Variants in PLCB4 observed in about 807,000 individuals in gnomAD.
The protein encoded by PLCB4 is phospholipase C beta 4, also known as 1-phosphatidylinositol 4,5-bisphosphate phosphodiesterase beta-4.
In PLCB4, 77 loss-of-function variants were observed where a neutral mutation model predicts 178.8. The observed-to-expected ratio is 0.43, with a 90% CI of 0.36 to 0.52. The LOEUF (loss-of-function observed/expected upper bound fraction) is 0.52, where lower values mean the gene tolerates loss of function less well. PLCB4 is among the 20% of genes least tolerant of loss of function. The probability of loss-of-function intolerance (pLI) is 0.00; values close to 1 mark genes in which losing one functional copy is unlikely to be tolerated. For missense variants in PLCB4, 1,024 were observed against 1,453.4 expected (o/e 0.70, Z 4.80); for synonymous variants, 496 against 490.8 (o/e 1.01, Z -0.14).
rs142482066 is a variant in PLCB4 at position 9,211,257 on chromosome 20, G to A, written c.-78-6133G>A. ...TAACACCGCCTGCATTTTACAGATA[G>A]GAGCTGGTTTCAGAGAGGTGAAGAC... is the stretch of plus-strand genomic sequence containing the variant. On this transcript the variant is annotated intron_variant, in intron 2 of 39. Coordinates refer to ENST00000378473, the MANE Select transcript of PLCB4 (RefSeq NM_001377142.1). Among the ~76,000 whole-genome samples the A allele has an allele frequency of 2.3e-3, 346 of 152,290 alleles. 1 individual carries two copies. The highest frequency in any genetic ancestry group is 7.9e-3 in the African/African-American group (330 of 41,554).
intron 3 of PLCB4, among the ~76,000 whole-genome samples, chr20:9,275,649 C>T (rs1398771705): frequency 1.3e-5 from 2 of 151,998 alleles, no homozygotes; most frequent in Non-Finnish European, 2.9e-5. Flanking sequence ...GGGAGCAATT[C>T]CAGAAATGAA....
At chr20:9,151,044 C>G (rs6118507) in intron 2 of PLCB4, among the ~76,000 whole-genome samples, 58,460 of 151,934 alleles carry the variant, frequency 0.38, 12,504 homozygotes, top group Middle Eastern at 0.49. Context: ...TAAACAAATA[C>G]AGTAGGCCCT....
chr20:9,432,356 AC>A (rs2041478939), intron 28 of PLCB4, among the ~76,000 whole-genome samples: 1 of 152,114 alleles, frequency 6.6e-6, no homozygotes, highest in African/African-American at 2.4e-5. Context: ...ACTACCAGTT[AC>A]TCCTCAAAAA....
rs533751203 is a variant in PLCB4, at chr20:9,437,560, A to T, written c.2764+408A>T. 4.6e-5 allele frequency among the ~76,000 whole-genome samples: 7 copies of T among 152,306 alleles called. No homozygotes were observed. The East Asian group carries it at 1.4e-3, about 29-fold the overall frequency. On this transcript the variant is annotated intron_variant, in intron 30 of 39. Transcript: ENST00000378473. Reference sequence around the variant, plus strand: ...TCTCATATTCAGCCAGTATGTAGGGAAACAACTGTGCTGGTTATTTTAATT... The same window carrying T: ...TCTCATATTCAGCCAGTATGTAGGGTAACAACTGTGCTGGTTATTTTAATT...
intron 24 of PLCB4, among the ~76,000 whole-genome samples, chr20:9,410,669 T>A (rs930667307): frequency 6.6e-6 from 1 of 152,102 alleles, no homozygotes; most frequent in South Asian, 2.1e-4. Flanking sequence ...ATATTCACCC[T>A]CCCGGGTATC....
chr20:9,211,336 C>T (rs1445331640), intron 2 of PLCB4, among the ~76,000 whole-genome samples: 2 of 152,182 alleles, frequency 1.3e-5, no homozygotes, highest in African/African-American at 4.8e-5. Context: ...CTTCTGACTG[C>T]CAGGTCTTTG....
chr20:9,116,985 A>G (rs1304693327), intron 2 of PLCB4, among the ~76,000 whole-genome samples: 1 of 152,134 alleles, frequency 6.6e-6, no homozygotes, highest in Non-Finnish European at 1.5e-5. Flanking sequence ...TTTCTAATTC[A>G]TTGTGGTTGG....
At chr20:9,104,494 C>T (rs928895892) in intron 2 of PLCB4, among the ~76,000 whole-genome samples, 1 of 152,120 alleles carries the variant, frequency 6.6e-6, no homozygotes, top group African/African-American at 2.4e-5. Flanking sequence ...CTCTCTGCCT[C>T]AGTCCTTCTC....
At chr20:9,283,008 A>C (rs2094507394) in intron 3 of PLCB4, among the ~76,000 whole-genome samples, 1 of 152,036 alleles carries the variant, frequency 6.6e-6, no homozygotes, top group African/African-American at 2.4e-5. Flanking sequence ...CATTTTCAGT[A>C]TCCATGTGGA....
At chr20:9,414,457 C>T (rs1447702193) in intron 25 of PLCB4, among the ~76,000 whole-genome samples, 2 of 152,220 alleles carry the variant, frequency 1.3e-5, no homozygotes, top group Admixed American at 6.5e-5. Flanking sequence ...GGTTCTCCCA[C>T]CCACCTGCAA....
rs6056550 is a variant in PLCB4, at chr20:9,327,599, A to G, written c.85-9527A>G. Among the ~76,000 whole-genome samples the G allele has an allele frequency of 8.0e-3, 1,201 of 150,652 alleles. 20 individuals are homozygous for G. The highest frequency in any genetic ancestry group is 0.028 in the African/African-American group (1,137 of 40,762). ...AGACCATCCTGGCTAACACAGACAA[A>G]CCCCATCTCTACTAAAAATACAAAA... is the stretch of plus-strand genomic sequence containing the variant. On this transcript the variant is annotated intron_variant, in intron 4 of 39. Coordinates refer to ENST00000378473, the MANE Select transcript of PLCB4 (RefSeq NM_001377142.1).
At chr20:9,421,018 T>G (rs2040593209) in intron 26 of PLCB4, among the ~76,000 whole-genome samples, 1 of 152,152 alleles carries the variant, frequency 6.6e-6, no homozygotes, top group Admixed American at 6.5e-5. Flanking sequence ...GAAGAGGCCG[T>G]GGACACTATT....
At chr20:9,240,441 C>G (rs907479425) in intron 3 of PLCB4, among the ~76,000 whole-genome samples, 1 of 152,128 alleles carries the variant, frequency 6.6e-6, no homozygotes, top group Admixed American at 6.5e-5. Context: ...CTCTGCTCAC[C>G]TTCTGCCCAG....
Position 9,459,775 on chromosome 20 carries a change from G to A in PLCB4, c.3213G>A (p.Glu1071=), listed in dbSNP as rs750843657. 1 of 1,611,936 alleles carries A rather than the reference G, an allele frequency of 6.2e-7. No individual in the cohort carries two copies. The highest frequency in any genetic ancestry group is 1.7e-5 in the Admixed American group (1 of 59,978). Residue 1071 remains glutamate (E), a synonymous_variant, in exon 35 of 40, where the codon GAG becomes GAA. Transcript: ENST00000378473. Reference sequence around the variant, plus strand: ...AAAAGCTACTCATCAATGCCCACGAGCAGCAAACCCAGCAGCTGAAACTGT... The same window carrying A: ...AAAAGCTACTCATCAATGCCCACGAACAGCAAACCCAGCAGCTGAAACTGT... ...LLKKLLINAH[E]QQTQQLKLSH...
intron 3 of PLCB4, among the ~76,000 whole-genome samples, chr20:9,221,489 C>A (rs1431269337): frequency 3.3e-5 from 5 of 152,220 alleles, no homozygotes; most frequent in African/African-American, 1.2e-4. Context: ...GGGCAGGACA[C>A]TAGAGTGTCT....
chr20:9,211,766 A>T (rs1337073412), intron 2 of PLCB4, among the ~76,000 whole-genome samples: 1 of 152,230 alleles, frequency 6.6e-6, no homozygotes, highest in African/African-American at 2.4e-5. Context: ...GAATGATTCC[A>T]TTTTCTATAA....
intron 2 of PLCB4, among the ~76,000 whole-genome samples, chr20:9,135,991 G>C (rs2092373923): frequency 6.6e-6 from 1 of 152,114 alleles, no homozygotes; most frequent in Non-Finnish European, 1.5e-5. Context: ...TGAATTATTT[G>C]ATGAAGTTTA....
chr20:9,177,496 G>C (rs906939338), intron 2 of PLCB4, among the ~76,000 whole-genome samples: 16 of 152,146 alleles, frequency 1.1e-4, no homozygotes, highest in African/African-American at 3.9e-4. Context: ...GTAGGCTTGG[G>C]GGCAAAGTAT....
At chr20:9,246,256 A>T (rs1039895210) in intron 3 of PLCB4, among the ~76,000 whole-genome samples, 3 of 152,312 alleles carry the variant, frequency 2.0e-5, no homozygotes, top group African/African-American at 7.2e-5. Flanking sequence ...ATAAAAAAAC[A>T]TAATCTCTAT....
Sources: allele counts gnomAD v4.1 joint callset (sites outside exome capture counted in the v4.1 genomes callset), GRCh38; gene constraint gnomAD v4.1.1; transcripts MANE v1.5; gene names NCBI Gene and HGNC (gene_info 2026-07-23, HGNC 2026-07-21).